AK7: variants seen among roughly 807,000 people sequenced by gnomAD.
The protein encoded by AK7 is adenylate kinase 7, also known as ATP-AMP transphosphorylase 7.
AK7 carries 78 observed loss-of-function variants against 96.6 expected under a neutral mutation model. The ratio of observed to expected loss-of-function variants is 0.81; its 90% CI spans 0.67 to 0.97. AK7 has a LOEUF of 0.97. Ranked by LOEUF, AK7 falls within the 50% of genes least tolerant of loss-of-function variation. The pLI, the probability that AK7 is intolerant of heterozygous loss-of-function variation, is 0.00. For missense variants in AK7, 855 were observed against 887.9 expected, an observed-to-expected ratio of 0.96 and a Z score of 0.47; for synonymous variants, 302 against 317.2, an observed-to-expected ratio of 0.95 and a Z score of 0.51.
chr14:96,431,642 T>C (rs1156615958), intron 5 of AK7, among the ~76,000 whole-genome samples: 1 of 152,210 alleles, frequency 6.6e-6, no homozygotes, highest in Non-Finnish European at 1.5e-5. Flanking sequence ...TGATTTTTGT[T>C]CTTTACTATT....
At chr14:96,414,685 A>C (rs1466445411) in intron 4 of AK7, among the ~76,000 whole-genome samples, 5 of 152,150 alleles carry the variant, frequency 3.3e-5, no homozygotes, top group African/African-American at 1.2e-4. Flanking sequence ...AGGTGGCAAG[A>C]AAAAGTCCCT....
chr14:96,482,629 C>A (rs1895561109), intron 15 of AK7, among the ~76,000 whole-genome samples: 1 of 152,152 alleles, frequency 6.6e-6, no homozygotes, highest in African/African-American at 2.4e-5. Flanking sequence ...TGTTTGGCCT[C>A]CCACAAGTGC....
At chr14:96,440,660 A>G (rs1377838126) in intron 6 of AK7, among the ~76,000 whole-genome samples, 1 of 152,182 alleles carries the variant, frequency 6.6e-6, no homozygotes, top group African/African-American at 2.4e-5. Context: ...AACCAGCTAC[A>G]TGATCAGAAT....
rs761305788 is a variant in AK7 at position 96,392,242 on chromosome 14, A to G, written c.88A>G (p.Ser30Gly). ...VFINLLDSYS[S>G]GNIGKFLSNC... ...TATAAACCTGTTGGATTCCTACAGC[A>G]GCGGAAACATCGGGAAGGTGAGCGG... is the stretch of plus-strand genomic sequence containing the variant. Residue 30 changes from serine (S) to glycine (G), a missense_variant, in exon 1 of 18, where the codon AGC becomes GGC. Physicochemically the swap from Ser to Gly is moderately conservative, Grantham distance 56. Transcript: ENST00000267584. The G allele has an allele frequency of 6.2e-6, 10 of 1,612,690 alleles. No individual in the cohort carries two copies. Among genetic ancestry groups the G allele is most frequent in the Non-Finnish European group, 7.6e-6 (9 of 1,178,844 alleles).
intron 1 of AK7, among the ~76,000 whole-genome samples, chr14:96,396,752 C>G (rs1007905636): frequency 3.3e-5 from 5 of 152,178 alleles, no homozygotes; most frequent in South Asian, 4.1e-4. Flanking sequence ...CTCTTAATCA[C>G]CACAGAAGCC....
chr14:96,429,651 G>A (rs994115651), intron 5 of AK7, among the ~76,000 whole-genome samples: 9 of 152,164 alleles, frequency 5.9e-5, no homozygotes, highest in African/African-American at 1.9e-4. Context: ...GCAGTGGTTT[G>A]TAGTTCTCCT....
chr14:96,408,854 T>G lies in AK7; in HGVS notation c.411T>G (p.Ser137Arg), dbSNP rs746795669. ...TGCTTTTTGGCCCCACAGCACTCAG[T>G]GAAGAAGTCAGCCACTTTGAAAAGC... ...EEAIWAVSAL[S>R]EEVSHFEKRK... The change falls in exon 4 of 18, where the codon AGT becomes AGG. Residue 137 changes from serine (S) to arginine (R), a missense_variant. Physicochemically the swap from Ser to Arg is moderately radical, Grantham distance 110. Coordinates refer to ENST00000267584, the MANE Select transcript of AK7 (RefSeq NM_152327.5). 2 of 1,614,124 alleles carry G rather than the reference T, an allele frequency of 1.2e-6. No individual in the cohort carries two copies. Among genetic ancestry groups the G allele is most frequent in the African/African-American group, 2.7e-5 (2 of 74,942 alleles).
At chr14:96,436,401 T>A (rs1408100574) in intron 5 of AK7, among the ~76,000 whole-genome samples, 1 of 152,076 alleles carries the variant, frequency 6.6e-6, no homozygotes, top group Non-Finnish European at 1.5e-5. Flanking sequence ...TCCCAGCACT[T>A]TGGGAGGCCG....
At chr14:96,488,160 G>T (rs977596405) in intron 17 of AK7, 145 bp from the exon 18 acceptor site, 5 of 613,374 alleles carry the variant, frequency 8.2e-6, no homozygotes, top group Non-Finnish European at 8.6e-6. Context: ...TGATCCACCC[G>T]CCTCAGCCTC....
intron 12 of AK7, among the ~76,000 whole-genome samples, chr14:96,466,232 C>T (rs1282889079): frequency 6.6e-6 from 1 of 150,740 alleles, no homozygotes; most frequent in Admixed American, 6.6e-5. Context: ...ATTTTTATTA[C>T]TTATTTATTT....
intron 10 of AK7, among the ~76,000 whole-genome samples, chr14:96,453,352 A>C (rs1350078044): frequency 6.6e-6 from 1 of 152,214 alleles, no homozygotes; most frequent in Non-Finnish European, 1.5e-5. Flanking sequence ...CCGATGAGCA[A>C]GACTGGACAA....
intron 2 of AK7, among the ~76,000 whole-genome samples, chr14:96,403,114 T>TTAAATAAATAAATAAATAAATAAA (rs59930782): frequency 7.1e-6 from 1 of 140,274 alleles, no homozygotes; most frequent in African/African-American, 2.7e-5. Flanking sequence ...AGACTCTGTC[T>TTAAATAAATAAATAAATAAATAAA]TAAATAAATA....
At chr14:96,415,347 G>A (rs1891267440) in intron 4 of AK7, among the ~76,000 whole-genome samples, 1 of 151,842 alleles carries the variant, frequency 6.6e-6, no homozygotes, top group Admixed American at 6.6e-5. Context: ...AGGAAATCTG[G>A]CAAGCAGTAA....
intron 9 of AK7, among the ~76,000 whole-genome samples, chr14:96,450,431 T>TAAAAAAAAAAAAAAAA (rs34353872): frequency 7.2e-6 from 1 of 138,300 alleles, no homozygotes; most frequent in Non-Finnish European, 1.6e-5. Context: ...TAAAAAAAAT[T>TAAAAAAAAAAAAAAAA]AAAAAAAAAA....
At chr14:96,415,068 T>G (rs1295662287) in intron 4 of AK7, among the ~76,000 whole-genome samples, 1 of 151,938 alleles carries the variant, frequency 6.6e-6, no homozygotes, top group Non-Finnish European at 1.5e-5. Flanking sequence ...GATAAGGCTT[T>G]CAAGCAGAAA....
At chr14:96,417,233 C>T (rs553666791) in intron 4 of AK7, among the ~76,000 whole-genome samples, 2 of 152,334 alleles carry the variant, frequency 1.3e-5, no homozygotes, top group Admixed American at 6.5e-5. Context: ...AAATACAGGA[C>T]ACCCAGTTAG....
chr14:96,486,802 T>C, intron 16 of AK7, 96 bp from the exon 17 acceptor site: 1 of 1,128,560 alleles, frequency 8.9e-7, no homozygotes, highest in Non-Finnish European at 1.3e-6. Flanking sequence ...TGGTGACCAT[T>C]TCTAGCAGTG....
Position 96,440,209 on chromosome 14 carries a change from C to T in AK7, c.690+2294C>T, listed in dbSNP as rs535738002. On this transcript the variant is annotated intron_variant, in intron 6 of 17. Coordinates refer to ENST00000267584, the MANE Select transcript of AK7 (RefSeq NM_152327.5). ...CAGGCTGGTCTTGAACTCCTGACTT[C>T]GTGATCCGCCCGCCTCAGCCTCCAA... 2.3e-3 allele frequency among the ~76,000 whole-genome samples: 350 copies of T among 152,178 alleles called. 2 individuals are homozygous for T. Among genetic ancestry groups the T allele is most frequent in the Non-Finnish European group, 4.3e-3 (292 of 68,006 alleles).
At chr14:96,431,254 T>G (rs1892334338) in intron 5 of AK7, among the ~76,000 whole-genome samples, 1 of 152,196 alleles carries the variant, frequency 6.6e-6, no homozygotes, top group Non-Finnish European at 1.5e-5. Context: ...TGTGTCTCTG[T>G]CTCCTTCAGT....
Sources: allele counts gnomAD v4.1 joint callset (sites outside exome capture counted in the v4.1 genomes callset), GRCh38; gene constraint gnomAD v4.1.1; transcripts MANE v1.5; gene names NCBI Gene and HGNC (gene_info 2026-07-23, HGNC 2026-07-21).